ASIC5: variants seen among roughly 807,000 people sequenced by gnomAD.
ASIC5 encodes acid sensing ion channel subunit family member 5.
A neutral mutation model predicts 51.2 loss-of-function variants in ASIC5; 52 were observed. The observed-to-expected ratio is 1.02, with a 90% CI of 0.81 to 1.28. The LOEUF is 1.28. Among genes scored for constraint, ASIC5 ranks in the 50% most tolerant of loss-of-function variants. The probability of loss-of-function intolerance (pLI) is 0.00; values close to 1 mark genes in which losing one functional copy is unlikely to be tolerated. For synonymous variants in ASIC5, 231 were observed against 200.7 expected (o/e 1.15, Z -1.28); for missense variants, 635 against 595.0 (o/e 1.07, Z -0.70).
At chr4:155,837,762 CAT>C (rs769634581) in intron 7 of ASIC5, among the ~76,000 whole-genome samples, 14 of 152,056 alleles carry the variant, frequency 9.2e-5, no homozygotes, top group Admixed American at 6.6e-4. Context: ...CATACACTCC[CAT>C]ACACACATAG....
At chr4:155,842,502 A>G in intron 5 of ASIC5, 148 bp from the exon 6 acceptor site, 2 of 644,744 alleles carry the variant, frequency 3.1e-6, no homozygotes, top group Non-Finnish European at 5.1e-6. Flanking sequence ...TATTTTGCCT[A>G]CTCTATTGAC....
chr4:155,852,926 T>C (rs1741417922), intron 3 of ASIC5, among the ~76,000 whole-genome samples: 1 of 151,936 alleles, frequency 6.6e-6, no homozygotes, highest in South Asian at 2.1e-4. Flanking sequence ...AGCAGCCATT[T>C]TGGTGAGGTG....
At chr4:155,833,354 T>A (rs1740911715) in intron 8 of ASIC5, among the ~76,000 whole-genome samples, 1 of 152,196 alleles carries the variant, frequency 6.6e-6, no homozygotes, top group Non-Finnish European at 1.5e-5. Flanking sequence ...TAGAATTATG[T>A]GGTGATCTTT....
At chr4:155,861,016 T>G (rs1397556223) in intron 2 of ASIC5, among the ~76,000 whole-genome samples, 7 of 151,980 alleles carry the variant, frequency 4.6e-5, no homozygotes, top group Non-Finnish European at 7.4e-5. Context: ...GACTTCTTTG[T>G]TATTTAGGTG....
intron 4 of ASIC5, 139 bp downstream of exon 4, chr4:155,852,052 T>C (rs1432771328): frequency 5.2e-6 from 5 of 966,652 alleles, no homozygotes; most frequent in South Asian, 3.4e-5. Context: ...ATAAAATCCA[T>C]AGGAGTCTAG....
chr4:155,853,514 T>C (rs1361249089), intron 3 of ASIC5, among the ~76,000 whole-genome samples: 2 of 149,700 alleles, frequency 1.3e-5, no homozygotes, highest in Non-Finnish European at 3.0e-5. Context: ...TTTGTATTTG[T>C]TATGTATTTG....
chr4:155,858,262 C>A (rs1741597431), intron 2 of ASIC5, among the ~76,000 whole-genome samples: 1 of 152,028 alleles, frequency 6.6e-6, no homozygotes, highest in African/African-American at 2.4e-5. Context: ...TTATGAATTT[C>A]TGCCAATTGT....
intron 1 of ASIC5, among the ~76,000 whole-genome samples, chr4:155,863,990 T>C (rs1741793340): frequency 6.6e-6 from 1 of 152,208 alleles, no homozygotes; most frequent in Non-Finnish European, 1.5e-5. Context: ...ACGGCTATTA[T>C]TAATGTAAAT....
chr4:155,835,551 A>C (rs1289220572), intron 8 of ASIC5, among the ~76,000 whole-genome samples: 1 of 152,212 alleles, frequency 6.6e-6, no homozygotes, highest in Non-Finnish European at 1.5e-5. Flanking sequence ...GAAACTCAGG[A>C]GATTTCTATC....
intron 6 of ASIC5, among the ~76,000 whole-genome samples, chr4:155,839,803 T>A (rs776514102): frequency 6.6e-6 from 1 of 151,626 alleles, no homozygotes; most frequent in Non-Finnish European, 1.5e-5. Context: ...CAATAATATT[T>A]CTTCCATTAT....
intron 2 of ASIC5, among the ~76,000 whole-genome samples, chr4:155,859,778 A>G (rs927194800): frequency 1.3e-5 from 2 of 152,026 alleles, no homozygotes; most frequent in African/African-American, 4.8e-5. Context: ...TTCTTCTCCC[A>G]TATATAGAAA....
In ASIC5 at chr4:155,842,099, T is replaced by A; in HGVS notation, c.1009+108A>T. 3 of 1,062,104 alleles carry A rather than the reference T, an allele frequency of 2.8e-6. No homozygotes were observed. In the East Asian group the frequency reaches 7.2e-5, roughly 26 times the overall value. The allele number at this position is 1,062,104 out of a possible 1,614,324, so 65.8% of individuals were successfully genotyped here. A position where few individuals can be genotyped will look rare whatever the true frequency, so the allele number is the denominator to read the frequency against. On this transcript the variant is annotated intron_variant, in intron 6 of 9. Coordinates refer to ENST00000537611, the MANE Select transcript of ASIC5 (RefSeq NM_017419.3). The stretch of plus-strand genomic sequence containing the variant: ...ATCTGTAATTACACTTAATAATACT[T>A]AATATTCCATTTGTATTTCAATACT...
At chr4:155,843,088 G>A (rs1741157903) in intron 5 of ASIC5, among the ~76,000 whole-genome samples, 1 of 152,158 alleles carries the variant, frequency 6.6e-6, no homozygotes, top group African/African-American at 2.4e-5. Context: ...GGGACAAGCA[G>A]TCCAGTTTTT....
chr4:155,842,537 A>G (rs1034879592), intron 5 of ASIC5, among the ~76,000 whole-genome samples, 183 bp from the exon 6 acceptor site: 6 of 152,174 alleles, frequency 3.9e-5, no homozygotes, highest in African/African-American at 1.4e-4. Context: ...AGCTAAGTAT[A>G]ATAGTGATCC....
chr4:155,835,533 G>C (rs1740959644), intron 8 of ASIC5, among the ~76,000 whole-genome samples: 1 of 151,930 alleles, frequency 6.6e-6, no homozygotes, highest in African/African-American at 2.4e-5. Flanking sequence ...TGTATATTAA[G>C]TAATTATGAA....
chr4:155,837,463 A>C (rs1435462674), intron 7 of ASIC5, among the ~76,000 whole-genome samples: 2 of 152,126 alleles, frequency 1.3e-5, no homozygotes, highest in Admixed American at 6.6e-5. Context: ...TCCCTGTAGC[A>C]GGTAGTGTTT....
chr4:155,859,936 T>G (rs1359496879), intron 2 of ASIC5, among the ~76,000 whole-genome samples: 1 of 152,056 alleles, frequency 6.6e-6, no homozygotes, highest in Non-Finnish European at 1.5e-5. Context: ...TAAAATCTTG[T>G]CTTGGCTTGT....
chr4:155,849,921 C>A (rs932897719), intron 4 of ASIC5, among the ~76,000 whole-genome samples: 2 of 151,628 alleles, frequency 1.3e-5, no homozygotes, highest in African/African-American at 2.4e-5. Flanking sequence ...CAGTATTGTT[C>A]TTTTTTTTGC....
chr4:155,856,871 A>G (rs1430126385), intron 2 of ASIC5, among the ~76,000 whole-genome samples: 1 of 152,092 alleles, frequency 6.6e-6, no homozygotes, highest in African/African-American at 2.4e-5. Flanking sequence ...ATGATTATGC[A>G]GAGAAATAAA....
Sources: gnomAD v4.1 joint callset for allele counts (sites outside exome capture counted in the v4.1 genomes callset) on GRCh38, gnomAD v4.1.1 for gene constraint, MANE v1.5 for transcripts, NCBI Gene and HGNC (gene_info 2026-07-23, HGNC 2026-07-21) for gene names.